TARBP1: variants seen among roughly 807,000 people sequenced by gnomAD.
The protein encoded by TARBP1 is tRNA guanosine 2 -O-methyltransferase TARBP1, also known as tRNA (guanosine(18)-2'-O)-methyltransferase TARBP1.
TARBP1 carries 144 observed loss-of-function variants against 178.6 expected under a neutral mutation model. That is an observed-to-expected ratio of 0.81 (90% CI 0.70 to 0.93). The LOEUF (loss-of-function observed/expected upper bound fraction) is 0.93. Ranked by LOEUF, TARBP1 falls within the 40% of genes least tolerant of loss-of-function variation. TARBP1 has a pLI of 0.00. For synonymous variants in TARBP1, 787 were observed against 781.0 expected (o/e 1.01, Z -0.13); for missense variants, 2,067 against 2,011.7 (o/e 1.03, Z -0.53).
At chr1:234,402,715 C>G (rs1660818876) in intron 24 of TARBP1, among the ~76,000 whole-genome samples, 1 of 152,078 alleles carries the variant, frequency 6.6e-6, no homozygotes, top group Admixed American at 6.5e-5. Context: ...GCTGGGACTA[C>G]AGGTGCATGC....
intron 20 of TARBP1, among the ~76,000 whole-genome samples, chr1:234,421,737 C>T (rs1010315187): frequency 1.3e-5 from 2 of 152,182 alleles, no homozygotes; most frequent in African/African-American, 4.8e-5. Flanking sequence ...GCAAGGTTTG[C>T]TTTTATCACC....
chr1:234,456,079 C>G (rs1667243640), intron 9 of TARBP1, among the ~76,000 whole-genome samples: 1 of 152,168 alleles, frequency 6.6e-6, no homozygotes. Flanking sequence ...CACTGTCATA[C>G]TTTGAAACCT....
intron 2 of TARBP1, among the ~76,000 whole-genome samples, chr1:234,472,347 A>G (rs1194734363): frequency 6.6e-6 from 1 of 150,858 alleles, no homozygotes; most frequent in African/African-American, 2.4e-5. Context: ...AAAAAAAAAA[A>G]AAAAAAAAAA....
At chr1:234,421,414 C>A (rs1218293570) in intron 20 of TARBP1, among the ~76,000 whole-genome samples, 2 of 152,054 alleles carry the variant, frequency 1.3e-5, no homozygotes, top group Admixed American at 6.5e-5. Context: ...TAGAAGAGGG[C>A]CAAAAAACTG....
chr1:234,419,702 C>T (rs956327995), intron 21 of TARBP1, among the ~76,000 whole-genome samples: 3 of 151,934 alleles, frequency 2.0e-5, no homozygotes, highest in African/African-American at 7.3e-5. Context: ...TTTTTTAATG[C>T]ATCCTTATGT....
chr1:234,421,237 C>T (rs1206062103), intron 20 of TARBP1, among the ~76,000 whole-genome samples: 3 of 152,008 alleles, frequency 2.0e-5, no homozygotes, highest in East Asian at 3.9e-4. Context: ...TACAGGCGCC[C>T]GCCACCACAC....
At position 234,430,209 on chromosome 1, in the gene TARBP1, C is replaced by T. The variant is rs182401254; in HGVS notation, c.2487G>A (p.Gln829=). The change falls in exon 15 of 30, where the codon CAG becomes CAA. Residue 829 remains glutamine, a synonymous_variant. Coordinates refer to ENST00000040877, the MANE Select transcript of TARBP1 (RefSeq NM_005646.4). ...CEAIDQKPEL[Q]LDSLHAGPLE... is the part of the protein sequence containing the mutation. ...GGGGCCCAGCATGGAGAGAGTCCAGCTGCAGCTCAGGCTTCTGGTCTATGG... is the reference window on the plus strand; with the variant it reads ...GGGGCCCAGCATGGAGAGAGTCCAGTTGCAGCTCAGGCTTCTGGTCTATGG... The T allele has an allele frequency of 1.2e-4, 193 of 1,614,228 alleles. No individual in the cohort carries two copies. In the East Asian group the frequency reaches 4.2e-3, roughly 35 times the overall value.
intron 2 of TARBP1, 41 bp downstream of exon 2, chr1:234,472,673 G>A: frequency 5.9e-6 from 8 of 1,353,492 alleles, no homozygotes; most frequent in Non-Finnish European, 8.2e-6. Context: ...AAGAAAAATT[G>A]TTATCTACTG....
At chr1:234,395,919 T>C (rs1398386477) in intron 26 of TARBP1, among the ~76,000 whole-genome samples, 2 of 152,162 alleles carry the variant, frequency 1.3e-5, no homozygotes, top group East Asian at 1.9e-4. Flanking sequence ...AAGAGAGGAT[T>C]TTCCATGTTC....
intron 5 of TARBP1, among the ~76,000 whole-genome samples, chr1:234,465,037 T>C (rs182174186): frequency 1.3e-5 from 2 of 152,050 alleles, no homozygotes; most frequent in Admixed American, 1.3e-4. Context: ...CTGGTGTGAA[T>C]TCACGGTTCT....
In TARBP1 at chr1:234,391,765, A is replaced by G. The variant is rs746010931; in HGVS notation, c.4698-20T>C. 6.2e-6 allele frequency: 10 copies of G among 1,606,370 alleles called. No homozygotes were observed. Among genetic ancestry groups the G allele is most frequent in the Non-Finnish European group, 8.5e-6 (10 of 1,176,566 alleles). The stretch of plus-strand genomic sequence containing the variant: ...TCATTTCTGAGGAAGAAAATGGAAG[A>G]AAGATTAGTTTTCCTGTAACAAACA... On this transcript the variant is annotated intron_variant, in intron 29 of 29. Coordinates refer to ENST00000040877, the MANE Select transcript of TARBP1 (RefSeq NM_005646.4).
At chr1:234,401,299 T>C (rs1475002316) in intron 24 of TARBP1, 37 bp from the exon 25 acceptor site, 1 of 1,507,354 alleles carries the variant, frequency 6.6e-7, no homozygotes, top group Non-Finnish European at 9.2e-7. Flanking sequence ...CACAGACAAA[T>C]GAAACAACTC....
intron 11 of TARBP1, among the ~76,000 whole-genome samples, chr1:234,447,528 G>A (rs3820601): frequency 0.093 from 14,126 of 151,626 alleles, 1,167 homozygotes; most frequent in East Asian, 0.32. Flanking sequence ...CTAAGTAGCT[G>A]GGACCACAGG....
intron 22 of TARBP1, among the ~76,000 whole-genome samples, chr1:234,414,689 A>C (rs1310043259): frequency 6.6e-6 from 1 of 152,160 alleles, no homozygotes; most frequent in Non-Finnish European, 1.5e-5. Context: ...GTTGGGAAGG[A>C]TGTGAAAAAA....
intron 25 of TARBP1, among the ~76,000 whole-genome samples, chr1:234,399,241 T>A (rs538729618): frequency 6.6e-6 from 1 of 152,240 alleles, no homozygotes; most frequent in South Asian, 2.1e-4. Context: ...GAAGCAGAGG[T>A]CCAAGTAACA....
At chr1:234,438,610 G>C (rs1175598479) in intron 12 of TARBP1, among the ~76,000 whole-genome samples, 1 of 152,056 alleles carries the variant, frequency 6.6e-6, no homozygotes, top group East Asian at 1.9e-4. Flanking sequence ...AAAACTGGTT[G>C]AAAAAATAAG....
chr1:234,442,623 C>T (rs530299163), intron 12 of TARBP1, among the ~76,000 whole-genome samples: 1 of 152,266 alleles, frequency 6.6e-6, no homozygotes, highest in African/African-American at 2.4e-5. Context: ...CTTGCATATT[C>T]CATACTACTC....
Position 234,460,286 on chromosome 1 carries a change from C to A in TARBP1, c.1510G>T (p.Gly504Cys). The A allele has an allele frequency of 6.2e-7, 1 of 1,614,032 alleles. No homozygotes were observed. The change falls in exon 7 of 30, where the codon GGT becomes TGT. Residue 504 changes from glycine to cysteine, a missense_variant. Transcript: ENST00000040877. The stretch of plus-strand genomic sequence containing the variant: ...CTGAGAGCAAGAAGCCCATCTATAC[C>A]CAGGGCCTTATGTCTTGGGACATTT... The part of the protein sequence containing the change: ...LANVPRHKAL[G>C]IDGLLALRDV...
rs761143785 is a variant in TARBP1, at chr1:234,391,674, C to G, written c.4769G>C (p.Gly1590Ala). The G allele has an allele frequency of 1.2e-6, 2 of 1,613,664 alleles. 1 individual carries two copies. The highest frequency in any genetic ancestry group is 2.2e-5 in the South Asian group (2 of 90,970). The change falls in exon 30 of 30, where the codon GGC (glycine) becomes GCC (alanine). Residue 1590 changes from glycine to alanine, a missense_variant. By Grantham distance (60) the Gly-to-Ala change is moderately conservative (BLOSUM62 0). Transcript: ENST00000040877. ...ATGGACATTCAGGGAGCGGATAATG[C>G]CCTGTTGAGGAATTTCCACACAAAC... Reference protein sequence around the residue: ...LDVCVEIPQQGIIRSLNVHVS... With the variant: ...LDVCVEIPQQAIIRSLNVHVS...
Sources: gnomAD v4.1 joint callset for allele counts (sites outside exome capture counted in the v4.1 genomes callset) on GRCh38, gnomAD v4.1.1 for gene constraint, MANE v1.5 for transcripts, NCBI Gene and HGNC (gene_info 2026-07-23, HGNC 2026-07-21) for gene names.